ZNF514: variants seen among roughly 807,000 people sequenced by gnomAD.
The protein encoded by ZNF514 is zinc finger protein 514.
In ZNF514, 12 loss-of-function variants were observed where a neutral mutation model predicts 9.7. The observed-to-expected ratio is 1.24, with a 90% confidence interval of 0.79 to 2.01. The LOEUF is 2.01. ZNF514 is among the 30% of genes most tolerant of loss of function. ZNF514 has a pLI of 0.00. For synonymous variants in ZNF514, 158 were observed against 163.7 expected (o/e 0.97, Z 0.27); for missense variants, 467 against 465.5 (o/e 1.00, Z -0.03).
Position 95,159,501 on chromosome 2 carries a change from G to A in ZNF514, c.-357C>T, listed in dbSNP as rs1368494457. ...AGTCCCTAGCGGGGGGCACTCGGAG[G>A]GACACACCCAGCTCTGTAAGGGGCC... On this transcript the variant is annotated 5_prime_UTR_variant, in exon 1 of 5. Transcript: ENST00000295208. 1 of 153,472 alleles carries A rather than the reference G, an allele frequency of 6.5e-6. No homozygotes were observed. The highest frequency in any genetic ancestry group is 1.5e-5 in the Non-Finnish European group (1 of 68,894). 9.5% of individuals were successfully genotyped at this position (153,472 alleles called of 1,614,324 possible).
At chr2:95,138,584 G>A in the ZNF514 span, among the ~76,000 whole-genome samples, 1 of 152,318 alleles carries the variant, frequency 6.6e-6, no homozygotes, top group African/African-American at 2.4e-5. Flanking sequence ...CATTCAAGAT[G>A]TGGCCTGGTT....
Position 95,157,402 on chromosome 2 carries a change from T to A in ZNF514, c.-58A>T, listed in dbSNP as rs936353605. On this transcript the variant is annotated 5_prime_UTR_variant, in exon 2 of 5. Coordinates refer to ENST00000295208, the MANE Select transcript of ZNF514 (RefSeq NM_032788.3). Reference sequence around the variant, plus strand: ...TGGTTGTTCCCTCTTCTCCTGGGAATCTCTCTGGAGGAAGAGCAGGATTCT... The same window carrying A: ...TGGTTGTTCCCTCTTCTCCTGGGAAACTCTCTGGAGGAAGAGCAGGATTCT... 6 of 1,289,564 alleles carry A rather than the reference T, an allele frequency of 4.7e-6. No individual in the cohort carries two copies. In the Admixed American group the frequency reaches 1.4e-4, roughly 30 times the overall value. 79.9% of individuals were successfully genotyped at this position (1,289,564 alleles called of 1,614,324 possible).
Position 95,149,115 on chromosome 2 carries a change from C to T in ZNF514, c.*167G>A, listed in dbSNP as rs1408299588. On this transcript the variant is annotated 3_prime_UTR_variant, in exon 5 of 5. Coordinates refer to ENST00000295208, the MANE Select transcript of ZNF514 (RefSeq NM_032788.3). ...GTTTGGTAAGAGAGGGGAAGCCCAC[C>T]CCCTCTTGACATTGACAGGGATTCT... is the stretch of plus-strand genomic sequence containing the variant. The T allele has an allele frequency of 2.4e-6, 2 of 831,238 alleles. No homozygotes were observed. The highest frequency in any genetic ancestry group is 3.6e-6 in the Non-Finnish European group (2 of 559,692). 51.5% of individuals were successfully genotyped at this position (831,238 alleles called of 1,614,324 possible).
chr2:95,131,037 T>C, the ZNF514 span, among the ~76,000 whole-genome samples: 1 of 152,350 alleles, frequency 6.6e-6, no homozygotes, highest in Non-Finnish European at 1.5e-5. Context: ...CAATTCACGT[T>C]CTTCTGCCGT....
chr2:95,150,187 C>T lies in ZNF514; in HGVS notation c.298G>A (p.Val100Met). ...AGCACATCTTGAATGTGTTTTTCCACTGATACTACCTGGAATAATTCTTCT... is the reference window on the plus strand; with the variant it reads ...AGCACATCTTGAATGTGTTTTTCCATTGATACTACCTGGAATAATTCTTCT... ...SKEELFQVVSVEKHIQDVLQF... is the reference protein window; with the variant it reads ...SKEELFQVVSMEKHIQDVLQF... Residue 100 changes from valine (V) to methionine (M), a missense_variant, in exon 5 of 5, where the codon GTG (valine) becomes ATG (methionine). Physicochemically the swap from Val to Met is conservative, Grantham distance 21 (BLOSUM62 1). Transcript: ENST00000295208. The T allele has an allele frequency of 6.2e-7, 1 of 1,607,816 alleles. No homozygotes were observed. Among genetic ancestry groups the T allele is most frequent in the Non-Finnish European group, 8.5e-7 (1 of 1,179,774 alleles).
At chr2:95,154,437 G>A (rs1232104218) in intron 2 of ZNF514, 1 of 152,266 alleles carries the variant, frequency 6.6e-6, no homozygotes, top group Admixed American at 6.5e-5. Flanking sequence ...AAAAATAGAT[G>A]ACACTGGCAT....
chr2:95,125,460 G>A, the ZNF514 span, among the ~76,000 whole-genome samples: 7 of 151,836 alleles, frequency 4.6e-5, no homozygotes. Flanking sequence ...GGATGGTCTC[G>A]ATCTCTTGAC....
At chr2:95,132,868 A>C in the ZNF514 span, among the ~76,000 whole-genome samples, 1 of 7,644 alleles carries the variant, frequency 1.3e-4, no homozygotes, top group African/African-American at 8.3e-4. Flanking sequence ...ACTCCATCTC[A>C]AAAAAAAAAA....
In ZNF514 at chr2:95,150,245, G is replaced by A; in HGVS notation, c.240C>T (p.Ser80=). 1 of 1,571,350 alleles carries A rather than the reference G, an allele frequency of 6.4e-7. No individual in the cohort carries two copies. The highest frequency in any genetic ancestry group is 1.7e-5 in the Admixed American group (1 of 57,242). ...TTCCCCAACTTGGCATTGATTCCTTGGATTTAGACCTTCTCTTCCAGTCTG... is the reference window on the plus strand; with the variant it reads ...TTCCCCAACTTGGCATTGATTCCTTAGATTTAGACCTTCTCTTCCAGTCTG... ...AHSDWKRRSK[S]KESMPSWGIS... Residue 80 remains serine, a synonymous_variant, in exon 5 of 5, where the codon TCC becomes TCT. Coordinates refer to ENST00000295208, the MANE Select transcript of ZNF514 (RefSeq NM_032788.3).
chr2:95,149,022 T>C lies in ZNF514; in HGVS notation c.*260A>G. The C allele has an allele frequency of 2.3e-6, 1 of 438,884 alleles. No homozygotes were observed. Among genetic ancestry groups the C allele is most frequent in the Non-Finnish European group, 4.0e-6 (1 of 249,852 alleles). 27.2% of individuals were successfully genotyped at this position (438,884 alleles called of 1,614,324 possible). On this transcript the variant is annotated 3_prime_UTR_variant, in exon 5 of 5. Transcript: ENST00000295208. ...GCTGTCTGATGCTGAATAATATGCA[T>C]CCTCTGATCAAAGCGTTCCCACATT...
Position 95,145,820 on chromosome 2 carries a change from C to T in ZNF514, c.*3462G>A, listed in dbSNP as rs1673345513. 6.6e-6 allele frequency among the ~76,000 whole-genome samples: 1 copy of T among 152,232 alleles called. No individual in the cohort carries two copies. Among genetic ancestry groups the T allele is most frequent in the African/African-American group, 2.4e-5 (1 of 41,468 alleles). On this transcript the variant is annotated 3_prime_UTR_variant, in exon 5 of 5. Transcript: ENST00000295208. Reference sequence around the variant, plus strand: ...ACGTACCTTTGCCATGTTAACCATACTCGTCAGTTTGAACCCAGTGTCCTG... The same window carrying T: ...ACGTACCTTTGCCATGTTAACCATATTCGTCAGTTTGAACCCAGTGTCCTG...
Position 95,145,809 on chromosome 2 carries a change from TG to T in ZNF514, c.*3472del, listed in dbSNP as rs1673345211. On this transcript the variant is annotated 3_prime_UTR_variant, in exon 5 of 5. Coordinates refer to ENST00000295208, the MANE Select transcript of ZNF514 (RefSeq NM_032788.3). ...CTCTTCCTCTCACGTACCTTTGCCA[TG>T]TTAACCATACTCGTCAGTTTGAACC... is the stretch of plus-strand genomic sequence containing the variant. Among the ~76,000 whole-genome samples, 1 of 152,252 alleles carries T rather than the reference TG, an allele frequency of 6.6e-6. No homozygotes were observed. The highest frequency in any genetic ancestry group is 2.1e-4 in the South Asian group (1 of 4,834).
intron 4 of ZNF514, among the ~76,000 whole-genome samples, chr2:95,151,723 C>T (rs1673551425): frequency 6.6e-6 from 1 of 152,176 alleles, no homozygotes; most frequent in Admixed American, 6.5e-5. Context: ...GTCAATAGGT[C>T]TTGTGTGGCT....
In ZNF514 at chr2:95,159,690, TCCGCCCCGCGC is replaced by T. The variant is rs1409391668; in HGVS notation, c.-557_-547del. The T allele has an allele frequency of 1.8e-5, 1 of 55,346 alleles. No individual in the cohort carries two copies. Among genetic ancestry groups the T allele is most frequent in the Admixed American group, 2.0e-4 (1 of 4,906 alleles). 3.4% of individuals were successfully genotyped at this position (55,346 alleles called of 1,614,324 possible). ...CCGCCACCCCGCGCCAGCCCCCGCG[TCCGCCCCGCGC>T]CAGCCCCCGCGTCCGCCCCGCGCCA... On this transcript the variant is annotated 5_prime_UTR_variant, in exon 1 of 5. Transcript: ENST00000295208.
chr2:95,151,979 C>A (rs1673557495), intron 4 of ZNF514, among the ~76,000 whole-genome samples: 1 of 152,212 alleles, frequency 6.6e-6, no homozygotes, highest in South Asian at 2.1e-4. Flanking sequence ...CTTTCCTGAG[C>A]TTCAGCTCTG....
chr2:95,127,806 A>G, the ZNF514 span, among the ~76,000 whole-genome samples: 1 of 152,026 alleles, frequency 6.6e-6, no homozygotes, highest in East Asian at 1.9e-4. Flanking sequence ...ACAGGATTTT[A>G]GCCTGTTGGC....
chr2:95,135,417 CTTTTTTTT>C, the ZNF514 span, among the ~76,000 whole-genome samples: 1 of 140,958 alleles, frequency 7.1e-6, no homozygotes, highest in South Asian at 2.2e-4. Flanking sequence ...TTCGTTCTTT[CTTTTTTTT>C]TTTTTCTCTT....
In ZNF514 at chr2:95,157,449, T is replaced by C. The variant is rs1289557440; in HGVS notation, c.-95-10A>G. The C allele has an allele frequency of 6.2e-6, 8 of 1,288,280 alleles. No homozygotes were observed. The Middle Eastern group carries it at 6.4e-4, about 103-fold the overall frequency. The allele number at this position is 1,288,280 out of a possible 1,614,324, so 79.8% of individuals were successfully genotyped here. ...TTCTGAGAAGGGGAAGCTGGGAAGG[T>C]AGAAGGAGACATAAGGGAAGCTGAC... On this transcript the variant is annotated splice_polypyrimidine_tract_variant and intron_variant, in intron 1 of 4. Coordinates refer to ENST00000295208, the MANE Select transcript of ZNF514 (RefSeq NM_032788.3).
At chr2:95,137,930 T>C in the ZNF514 span, among the ~76,000 whole-genome samples, 1 of 152,156 alleles carries the variant, frequency 6.6e-6, no homozygotes, top group African/African-American at 2.4e-5. Flanking sequence ...TGGAGTGCAT[T>C]CTCATGAGAT....
Sources: gnomAD v4.1 joint callset for allele counts (sites outside exome capture counted in the v4.1 genomes callset) on GRCh38, gnomAD v4.1.1 for gene constraint, MANE v1.5 for transcripts, NCBI Gene and HGNC (gene_info 2026-07-23, HGNC 2026-07-21) for gene names.